The following CASR variants were observed in gnomAD, a reference collection of about 807,000 sequenced individuals.
The protein encoded by CASR is calcium sensing receptor, also known as extracellular calcium-sensing receptor.
Under a neutral mutation model 69.1 loss-of-function variants are expected in CASR, and 23 were observed. That is an observed-to-expected ratio of 0.33 (90% CI 0.24 to 0.47). CASR has a LOEUF of 0.47. Ranked by LOEUF, CASR falls within the 20% of genes least tolerant of loss-of-function variation. CASR has a pLI of 1.00. For missense variants in CASR, 924 were observed against 1,356.1 expected, an observed-to-expected ratio of 0.68 and a Z score of 5.00; for synonymous variants, 541 against 544.7, an observed-to-expected ratio of 0.99 and a Z score of 0.10.
At chr3:122,211,151 G>A (rs930758174) in intron 1 of CASR, among the ~76,000 whole-genome samples, 10 of 152,086 alleles carry the variant, frequency 6.6e-5, no homozygotes, top group Non-Finnish European at 1.3e-4. Context: ...GAAAATCTAG[G>A]CAATACCATT....
chr3:122,214,499 G>A (rs2074097715), intron 1 of CASR, among the ~76,000 whole-genome samples: 1 of 152,122 alleles, frequency 6.6e-6, no homozygotes, highest in South Asian at 2.1e-4. Flanking sequence ...AGTTCAGAAG[G>A]CGTAAACCTC....
intron 4 of CASR, among the ~76,000 whole-genome samples, chr3:122,272,082 C>A (rs1426156974): frequency 8.9e-6 from 1 of 112,076 alleles, no homozygotes; most frequent in East Asian, 2.7e-4. Context: ...TTTCATTTCT[C>A]CTAGGAATGC....
In CASR at chr3:122,285,063, G is replaced by T; in HGVS notation, c.3109G>T (p.Gly1037Cys). The T allele has an allele frequency of 6.2e-7, 1 of 1,614,222 alleles. No homozygotes were observed. The highest frequency in any genetic ancestry group is 8.5e-7 in the Non-Finnish European group (1 of 1,180,034). ...GGAAACAGGTCTGCAAGGACCTGTG[G>T]GTGGAGACCAGCGGCCAGAGGTGGA... is the stretch of plus-strand genomic sequence containing the variant. ...VQETGLQGPV[G>C]GDQRPEVEDP... Residue 1037 changes from glycine (G) to cysteine (C), a missense_variant, in exon 7 of 7, where the codon GGT becomes TGT. Gly to Cys is a radical substitution (Grantham distance 159). Around this residue, in one of 8 missense-constraint regions of CASR, gnomAD observed 201 missense variants for 228.8 expected, o/e 0.88. Transcript: ENST00000639785.
At chr3:122,209,925 G>T (rs2074045475) in intron 1 of CASR, among the ~76,000 whole-genome samples, 1 of 152,146 alleles carries the variant, frequency 6.6e-6, no homozygotes, top group Non-Finnish European at 1.5e-5. Context: ...ATGCAAGGCT[G>T]GTTCAAATTA....
At chr3:122,212,844 G>A (rs2074082465) in intron 1 of CASR, among the ~76,000 whole-genome samples, 1 of 152,056 alleles carries the variant, frequency 6.6e-6, no homozygotes, top group East Asian at 1.9e-4. Context: ...GTTTCTCCAT[G>A]TTGGTCAGGC....
chr3:122,258,940 G>A (rs1488678210), intron 3 of CASR, among the ~76,000 whole-genome samples: 1 of 152,016 alleles, frequency 6.6e-6, no homozygotes. Flanking sequence ...TGCCCTGCCG[G>A]GTGAGGTCAT....
chr3:122,209,530 GA>G (rs2074041388), intron 1 of CASR, among the ~76,000 whole-genome samples: 1 of 152,192 alleles, frequency 6.6e-6, no homozygotes, highest in African/African-American at 2.4e-5. Context: ...GCTTGTGCAG[GA>G]AAATTTTGCC....
chr3:122,261,371 C>G (rs1413843298), intron 3 of CASR, among the ~76,000 whole-genome samples, 157 bp from the exon 4 acceptor site: 1 of 152,164 alleles, frequency 6.6e-6, no homozygotes, highest in African/African-American at 2.4e-5. Context: ...TGCTGCTTTT[C>G]CTTACCCTTT....
intron 6 of CASR, among the ~76,000 whole-genome samples, chr3:122,283,079 G>A (rs2074912445): frequency 6.6e-6 from 1 of 152,224 alleles, no homozygotes; most frequent in Non-Finnish European, 1.5e-5. Flanking sequence ...AGTGAGGAAA[G>A]CACAGGTCAT....
Position 122,252,365 on chromosome 3 carries a change from AGG to A in CASR, c.-242-1582_-242-1581del, listed in dbSNP as rs1384355388. Among the ~76,000 whole-genome samples, 88 of 32,314 alleles carry A rather than the reference AGG, an allele frequency of 2.7e-3. 1 individual carries two copies. The highest frequency in any genetic ancestry group is 5.1e-3 in the Non-Finnish European group (74 of 14,526). 21.2% of individuals were successfully genotyped at this position (32,314 alleles called of 152,430 possible). On this transcript the variant is annotated intron_variant, in intron 1 of 6. Coordinates refer to ENST00000639785, the MANE Select transcript of CASR (RefSeq NM_000388.4). ...GAAAGAAGAAAGAAAGAAAGAAAGA[AGG>A]AAGGAAGGAAGGAAGGAAGGAAGGA...
chr3:122,285,688 T>C lies in CASR; in HGVS notation c.*497T>C, dbSNP rs942824220. Reference sequence around the variant, plus strand: ...TCTCCTCCTATTTATGAAAACCATATGATATTTTGTCTCCTACCTGCTGCT... The same window carrying C: ...TCTCCTCCTATTTATGAAAACCATACGATATTTTGTCTCCTACCTGCTGCT... On this transcript the variant is annotated 3_prime_UTR_variant, in exon 7 of 7. Coordinates refer to ENST00000639785, the MANE Select transcript of CASR (RefSeq NM_000388.4). 3 of 178,184 alleles carry C rather than the reference T, an allele frequency of 1.7e-5. No homozygotes were observed. Among genetic ancestry groups the C allele is most frequent in the African/African-American group, 7.1e-5 (3 of 42,010 alleles). 11.0% of individuals were successfully genotyped at this position (178,184 alleles called of 1,614,324 possible).
chr3:122,215,093 A>G (rs2074104358), intron 1 of CASR, among the ~76,000 whole-genome samples: 1 of 71,518 alleles, frequency 1.4e-5, no homozygotes, highest in Non-Finnish European at 3.4e-5. Flanking sequence ...TGAATAACAG[A>G]CGGAGAAAGT....
intron 1 of CASR, chr3:122,247,767 A>C (rs1199436775): frequency 6.6e-6 from 1 of 152,306 alleles, no homozygotes; most frequent in African/African-American, 2.4e-5. Flanking sequence ...GCATTAATGA[A>C]TGTCAGCTTC....
rs1362875083 is a variant in CASR, at chr3:122,261,770, G to A, written c.735G>A (p.Gln245=). ...ICIDFSELIS[Q]YSDEEEIQHV... is the part of the protein sequence containing the mutation. ...TCGACTTCAGTGAACTCATCTCCCAGTACTCTGATGAGGAAGAGATCCAGC... is the reference window on the plus strand; with the variant it reads ...TCGACTTCAGTGAACTCATCTCCCAATACTCTGATGAGGAAGAGATCCAGC... The change falls in exon 4 of 7, where the codon CAG becomes CAA. Residue 245 remains glutamine (Q), a synonymous_variant. Transcript: ENST00000639785. 4 of 1,614,090 alleles carry A rather than the reference G, an allele frequency of 2.5e-6. No individual in the cohort carries two copies. Among genetic ancestry groups the A allele is most frequent in the Non-Finnish European group, 2.5e-6 (3 of 1,180,032 alleles).
rs550414078 is a variant in CASR at position 122,205,379 on chromosome 3, T to A, written c.-243+21567T>A. Among the ~76,000 whole-genome samples, 31 of 152,224 alleles carry A rather than the reference T, an allele frequency of 2.0e-4. No individual in the cohort carries two copies. In the South Asian group the frequency reaches 6.4e-3, roughly 32 times the overall value. ...TTGTGGCACCTTTATCAAAGCTGACTTGGCTGTAAATGCATGGATTTCTAT... is the reference window on the plus strand; with the variant it reads ...TTGTGGCACCTTTATCAAAGCTGACATGGCTGTAAATGCATGGATTTCTAT... On this transcript the variant is annotated intron_variant, in intron 1 of 6. Transcript: ENST00000639785.
At position 122,286,039 on chromosome 3, in the gene CASR, C is replaced by G. The variant is rs952795126; in HGVS notation, c.*848C>G. 6.6e-6 allele frequency: 1 copy of G among 152,636 alleles called. No individual in the cohort carries two copies. The highest frequency in any genetic ancestry group is 2.4e-5 in the African/African-American group (1 of 41,420). 9.5% of individuals were successfully genotyped at this position (152,636 alleles called of 1,614,324 possible). A position where few individuals can be genotyped will look rare whatever the true frequency, so the allele number is the denominator to read the frequency against. On this transcript the variant is annotated 3_prime_UTR_variant, in exon 7 of 7. Transcript: ENST00000639785. The stretch of plus-strand genomic sequence containing the variant: ...CCCATAAGCTAAGCCTTATGTGAGC[C>G]CCTTCAGGGACTCAAGGGTCCAGAA...
intron 1 of CASR, among the ~76,000 whole-genome samples, chr3:122,206,269 T>G (rs1169231016): frequency 9.5e-5 from 2 of 20,988 alleles, no homozygotes; most frequent in Admixed American, 2.6e-4. Flanking sequence ...TTGATGAGGG[T>G]TTTTTTTTTT....
chr3:122,231,687 C>A (rs1424362260), intron 1 of CASR, among the ~76,000 whole-genome samples: 2 of 151,536 alleles, frequency 1.3e-5, no homozygotes, highest in East Asian at 3.9e-4. Context: ...TGCATATGTG[C>A]ATTTTTCTGG....
intron 1 of CASR, among the ~76,000 whole-genome samples, chr3:122,243,224 A>G (rs574132846): frequency 2.6e-4 from 39 of 152,178 alleles, no homozygotes; most frequent in Non-Finnish European, 5.0e-4. Flanking sequence ...AACAATCAAC[A>G]AAGTGAAGAG....
Sources: gnomAD v4.1 joint callset for allele counts (sites outside exome capture counted in the v4.1 genomes callset) on GRCh38, gnomAD v4.1.1 for gene constraint, gnomAD v4.1.1 regional missense constraint, MANE v1.5 for transcripts, NCBI Gene and HGNC (gene_info 2026-07-23, HGNC 2026-07-21) for gene names.